The following HTRA3 variants were observed in gnomAD, a reference collection of about 807,000 sequenced individuals.
HTRA3 encodes serine protease HTRA3.
Under a neutral mutation model 43.2 loss-of-function variants are expected in HTRA3, and 41 were observed. The observed-to-expected ratio is 0.95, with a 90% CI of 0.74 to 1.23. The LOEUF (loss-of-function observed/expected upper bound fraction) is 1.23, where lower values mean the gene tolerates loss of function less well. Among genes scored for constraint, HTRA3 ranks in the 50% most tolerant of loss-of-function variants. The pLI is 0.00. For synonymous variants in HTRA3, 295 were observed against 287.9 expected (o/e 1.02, Z -0.25); for missense variants, 628 against 647.1 (o/e 0.97, Z 0.32).
intron 4 of HTRA3, 89 bp from the exon 5 acceptor site, chr4:8,292,232 T>C (rs1189558247): frequency 6.1e-6 from 7 of 1,139,556 alleles, no homozygotes; most frequent in Admixed American, 1.9e-5. Context: ...TATGTGTCTC[T>C]GCACTGGTTA....
At chr4:8,284,937 T>G (rs542681266) in intron 2 of HTRA3, among the ~76,000 whole-genome samples, 1 of 152,302 alleles carries the variant, frequency 6.6e-6, no homozygotes, top group South Asian at 2.1e-4. Context: ...CTCCCATGGT[T>G]CTGGAGGCTG....
chr4:8,271,339 G>C (rs1452095798), intron 1 of HTRA3, among the ~76,000 whole-genome samples: 1 of 152,214 alleles, frequency 6.6e-6, no homozygotes, highest in Non-Finnish European at 1.5e-5. Context: ...ATCTATCAGA[G>C]GTTCTGAGAA....
intron 6 of HTRA3, among the ~76,000 whole-genome samples, chr4:8,298,974 A>G (rs957975898): frequency 6.6e-6 from 1 of 152,196 alleles, no homozygotes; most frequent in Non-Finnish European, 1.5e-5. Flanking sequence ...TTGCATTTCT[A>G]TATGAATTTC....
rs201531880 is a variant in HTRA3, at chr4:8,306,014, C to A, written c.1240C>A (p.Arg414Ser). 1.9e-6 allele frequency: 3 copies of A among 1,612,408 alleles called. No homozygotes were observed. The highest frequency in any genetic ancestry group is 2.5e-6 in the Non-Finnish European group (3 of 1,179,662). ...DGDIIVKVNG[R>S]PLVDSSELQE... ...TGACATCATCGTCAAGGTCAACGGGCGTCCTCTAGTGGACTCGAGTGAGCT... is the reference window on the plus strand; with the variant it reads ...TGACATCATCGTCAAGGTCAACGGGAGTCCTCTAGTGGACTCGAGTGAGCT... Residue 414 changes from arginine to serine, a missense_variant, in exon 9 of 9, where the codon CGT (arginine) becomes AGT (serine). Coordinates refer to ENST00000307358, the MANE Select transcript of HTRA3 (RefSeq NM_053044.5). This position sits in a 1 kb window ranked among gnomAD's most constrained non-coding sequence, Gnocchi z 8.9.
intron 4 of HTRA3, among the ~76,000 whole-genome samples, 184 bp from the exon 5 acceptor site, chr4:8,292,137 T>C (rs1437149313): frequency 6.6e-6 from 1 of 152,216 alleles, no homozygotes; most frequent in Non-Finnish European, 1.5e-5. Flanking sequence ...ACCTCGGTCA[T>C]CAGGCAGCCA....
intron 1 of HTRA3, among the ~76,000 whole-genome samples, chr4:8,281,784 G>C (rs183680636): frequency 6.6e-4 from 100 of 152,360 alleles, no homozygotes; most frequent in Middle Eastern, 6.8e-3. Context: ...GCCCGGGAAG[G>C]GTCCAGGGAA....
chr4:8,274,454 C>T (rs55800449), intron 1 of HTRA3, among the ~76,000 whole-genome samples: 3,737 of 152,340 alleles, frequency 0.025, 163 homozygotes, highest in African/African-American at 0.085. Context: ...CCTCCAGGCT[C>T]GAAGCCTCGC....
intron 1 of HTRA3, among the ~76,000 whole-genome samples, chr4:8,276,865 G>A (rs1712545903): frequency 6.6e-6 from 1 of 152,244 alleles, no homozygotes; most frequent in African/African-American, 2.4e-5. Context: ...TGTGCACCTT[G>A]GGCAGGTCCC....
intron 3 of HTRA3, among the ~76,000 whole-genome samples, chr4:8,287,501 T>C (rs375748784): frequency 2.6e-5 from 4 of 152,094 alleles, no homozygotes; most frequent in African/African-American, 9.7e-5. Flanking sequence ...CATACAATCA[T>C]GACGGAAGGC....
At chr4:8,302,629 T>C in intron 7 of HTRA3, 118 bp downstream of exon 7, 1 of 905,636 alleles carries the variant, frequency 1.1e-6, no homozygotes, top group East Asian at 2.5e-5. Flanking sequence ...GACGGGCCGA[T>C]GCACTCAGGC....
rs979907685 is a variant in HTRA3 at position 8,270,346 on chromosome 4, C to T, written c.378C>T (p.Cys126=). The T allele has an allele frequency of 7.1e-7, 1 of 1,411,518 alleles. No individual in the cohort carries two copies. Among genetic ancestry groups the T allele is most frequent in the Non-Finnish European group, 9.2e-7 (1 of 1,089,434 alleles). The allele number at this position is 1,411,518 out of a possible 1,614,324, so 87.4% of individuals were successfully genotyped here. The change falls in exon 1 of 9, where the codon TGC becomes TGT. Residue 126 remains cysteine (C), a synonymous_variant. Transcript: ENST00000307358. The stretch of plus-strand genomic sequence containing the variant: ...TGCGCCAGCTGCAGAAGGGCGCCTG[C>T]CCGTTGGGTAAGCGCTCGGGGGCCA... ...TPVRQLQKGA[C]PLGLHQLSSP...
chr4:8,301,373 T>C (rs1467748644), intron 6 of HTRA3, among the ~76,000 whole-genome samples: 1 of 152,168 alleles, frequency 6.6e-6, no homozygotes, highest in African/African-American at 2.4e-5. Context: ...TCAGCTTTAT[T>C]ATTGATTTTC....
intron 1 of HTRA3, among the ~76,000 whole-genome samples, chr4:8,278,506 G>C (rs890214751): frequency 6.6e-6 from 1 of 152,110 alleles, no homozygotes; most frequent in African/African-American, 2.4e-5. Context: ...CAAATAAACA[G>C]AGTCTGCTTC....
chr4:8,297,871 G>A lies in HTRA3; in HGVS notation c.1051+3670G>A, dbSNP rs1440605293. ...AATGTCCACAGGCAGTTCCCACTAAGAGCACCTGTCAAGACCCCCCTGCTC... is the reference window on the plus strand; with the variant it reads ...AATGTCCACAGGCAGTTCCCACTAAAAGCACCTGTCAAGACCCCCCTGCTC... On this transcript the variant is annotated intron_variant, in intron 6 of 8. Transcript: ENST00000307358. This position sits in a 1 kb window ranked among gnomAD's most constrained non-coding sequence, Gnocchi z 5.8. 6.6e-6 allele frequency among the ~76,000 whole-genome samples: 1 copy of A among 152,100 alleles called. No homozygotes were observed. The highest frequency in any genetic ancestry group is 1.9e-4 in the East Asian group (1 of 5,188).
chr4:8,276,665 C>G (rs1431186376), intron 1 of HTRA3, among the ~76,000 whole-genome samples: 1 of 152,238 alleles, frequency 6.6e-6, no homozygotes, highest in Non-Finnish European at 1.5e-5. Context: ...GGCGGCAGCA[C>G]CTCCTCCTCC....
intron 1 of HTRA3, among the ~76,000 whole-genome samples, chr4:8,277,054 G>A (rs1415463917): frequency 6.6e-6 from 1 of 152,222 alleles, no homozygotes; most frequent in Non-Finnish European, 1.5e-5. Flanking sequence ...GGTTCCTCTG[G>A]GCCTGGGCTG....
chr4:8,274,325 C>T (rs1712431253), intron 1 of HTRA3, among the ~76,000 whole-genome samples: 1 of 152,240 alleles, frequency 6.6e-6, no homozygotes, highest in East Asian at 1.9e-4. Flanking sequence ...CCCTGAGCCA[C>T]CTGCCCTGGC....
At position 8,295,858 on chromosome 4, in the gene HTRA3, T is replaced by C. The variant is rs1560141922; in HGVS notation, c.1051+1657T>C. On this transcript the variant is annotated intron_variant, in intron 6 of 8. Coordinates refer to ENST00000307358, the MANE Select transcript of HTRA3 (RefSeq NM_053044.5). The surrounding 1 kb of genome is among the most constrained non-coding windows in gnomAD (Gnocchi z 6.9). ...TGAGGATGCCGCCATTGTTCTTCTG[T>C]GTCCATTATGGGAAGACAATCTGGA... The C allele has an allele frequency of 1.6e-6, 2 of 1,236,274 alleles. No homozygotes were observed. Among genetic ancestry groups the C allele is most frequent in the East Asian group, 6.3e-5 (2 of 31,688 alleles). 76.6% of individuals were successfully genotyped at this position (1,236,274 alleles called of 1,614,324 possible).
At chr4:8,292,199 T>C in intron 4 of HTRA3, 122 bp from the exon 5 acceptor site, 1 of 797,842 alleles carries the variant, frequency 1.3e-6, no homozygotes, top group Non-Finnish European at 2.1e-6. Flanking sequence ...GGCCTTTCGA[T>C]GCTGCTGAGG....
Sources: gnomAD v4.1 joint callset for allele counts (sites outside exome capture counted in the v4.1 genomes callset) on GRCh38, gnomAD v4.1.1 for gene constraint, Gnocchi (gnomAD v3.1) non-coding constraint, MANE v1.5 for transcripts, NCBI Gene and HGNC (gene_info 2026-07-23, HGNC 2026-07-21) for gene names.